ALMS1: variants seen among roughly 807,000 people sequenced by gnomAD.
The protein encoded by ALMS1 is centrosome-associated protein ALMS1.
A neutral mutation model predicts 352.2 loss-of-function variants in ALMS1; 271 were observed. That is an observed-to-expected ratio of 0.77 (90% CI 0.70 to 0.85). The LOEUF (loss-of-function observed/expected upper bound fraction) is 0.85, where lower values mean the gene tolerates loss of function less well. ALMS1 is among the 40% of genes least tolerant of loss of function. ALMS1 has a pLI of 0.00. For missense variants in ALMS1, 5,445 were observed against 4,870.7 expected, an observed-to-expected ratio of 1.12 and a Z score of -3.51; for synonymous variants, 1,865 against 1,761.2, an observed-to-expected ratio of 1.06 and a Z score of -1.48.
At chr2:73,487,348 G>A (rs775460414) in intron 9 of ALMS1, among the ~76,000 whole-genome samples, 3 of 152,172 alleles carry the variant, frequency 2.0e-5, no homozygotes, top group Non-Finnish European at 4.4e-5. Context: ...GGCAGCTCCA[G>A]TGCTGGCACT....
chr2:73,436,562 T>G (rs1473828767), intron 7 of ALMS1, among the ~76,000 whole-genome samples: 1 of 152,216 alleles, frequency 6.6e-6, no homozygotes, highest in African/African-American at 2.4e-5. Context: ...TCTAAGCCTT[T>G]GTTTGTTTTT....
chr2:73,484,660 T>A (rs1043219312), intron 9 of ALMS1, among the ~76,000 whole-genome samples: 3 of 152,062 alleles, frequency 2.0e-5, no homozygotes, highest in Non-Finnish European at 4.4e-5. Context: ...GATAATATCC[T>A]GCAGAGTGTT....
At chr2:73,551,051 G>A (rs1287186882) in intron 13 of ALMS1, among the ~76,000 whole-genome samples, 1 of 151,890 alleles carries the variant, frequency 6.6e-6, no homozygotes, top group East Asian at 1.9e-4. Flanking sequence ...AGTGATGGGG[G>A]TCTCGCTATG....
At chr2:73,604,134 CTG>C (rs1675762074) in intron 21 of ALMS1, 1 of 152,284 alleles carries the variant, frequency 6.6e-6, no homozygotes, top group South Asian at 2.1e-4. Context: ...ACAGAAAAAA[CTG>C]GTAATACTGA....
At chr2:73,403,804 G>A (rs1386101608) in intron 1 of ALMS1, among the ~76,000 whole-genome samples, 1 of 151,996 alleles carries the variant, frequency 6.6e-6, no homozygotes, top group African/African-American at 2.4e-5. Flanking sequence ...AAGTGGGATG[G>A]TTTTCTTGAT....
chr2:73,498,653 G>A (rs1037863161), intron 10 of ALMS1, among the ~76,000 whole-genome samples: 1 of 152,060 alleles, frequency 6.6e-6, no homozygotes, highest in African/African-American at 2.4e-5. Context: ...CCACAAATAA[G>A]TGACAACATG....
chr2:73,530,635 A>G (rs1673888929), intron 11 of ALMS1, among the ~76,000 whole-genome samples: 1 of 152,224 alleles, frequency 6.6e-6, no homozygotes, highest in Non-Finnish European at 1.5e-5. Flanking sequence ...GTGCCCAAGT[A>G]GGGACTATTA....
At chr2:73,549,675 T>C (rs1209533707) in intron 12 of ALMS1, among the ~76,000 whole-genome samples, 2 of 152,186 alleles carry the variant, frequency 1.3e-5, no homozygotes, top group African/African-American at 2.4e-5. Flanking sequence ...TCCAAAACCA[T>C]CATGAGCTGG....
chr2:73,400,057 C>T (rs1187287926), intron 1 of ALMS1, among the ~76,000 whole-genome samples: 4 of 151,896 alleles, frequency 2.6e-5, no homozygotes, highest in Non-Finnish European at 4.4e-5. Context: ...CCTACTTCAC[C>T]CTCCTGAGTA....
At chr2:73,401,018 C>T (rs1027728471) in intron 1 of ALMS1, among the ~76,000 whole-genome samples, 12 of 152,166 alleles carry the variant, frequency 7.9e-5, no homozygotes, top group African/African-American at 2.9e-4. Flanking sequence ...AACTCCTGGC[C>T]TCAAGTGATC....
At position 73,448,770 on chromosome 2, in the gene ALMS1, G is replaced by T. The variant is rs746451394; in HGVS notation, c.2243G>T (p.Gly748Val). The part of the protein sequence containing the change: ...ETLTKVSATP[G>V]PADQKTEIPA... ...CTTACTAAAGTTTCAGCCACTCCTG[G>T]ACCAGCTGACCAGAAGACTGAGATA... Residue 748 changes from glycine to valine, a missense_variant, in exon 8 of 23, where the codon GGA (glycine) becomes GTA (valine). Physicochemically the swap from Gly to Val is moderately radical, Grantham distance 109. Coordinates refer to ENST00000613296, the MANE Select transcript of ALMS1 (RefSeq NM_001378454.1). The T allele has an allele frequency of 2.5e-6, 4 of 1,613,990 alleles. No individual in the cohort carries two copies. In the Admixed American group the frequency reaches 6.7e-5, roughly 27 times the overall value.
At chr2:73,395,532 A>G (rs1670743582) in intron 1 of ALMS1, among the ~76,000 whole-genome samples, 1 of 152,088 alleles carries the variant, frequency 6.6e-6, no homozygotes, top group African/African-American at 2.4e-5. Flanking sequence ...ATTCTTCAAA[A>G]TACTGTTTTT....
chr2:73,400,114 T>C (rs1478833246), intron 1 of ALMS1, among the ~76,000 whole-genome samples: 1 of 151,656 alleles, frequency 6.6e-6, no homozygotes, highest in Non-Finnish European at 1.5e-5. Flanking sequence ...ATTTTTGTAT[T>C]TTTTTTAGAG....
chr2:73,392,400 C>T (rs1265915373), intron 1 of ALMS1, among the ~76,000 whole-genome samples: 1 of 151,856 alleles, frequency 6.6e-6, no homozygotes, highest in Non-Finnish European at 1.5e-5. Context: ...ATTTAAAGTG[C>T]ACAATTCAGT....
In ALMS1 at chr2:73,572,800, A is replaced by G. The variant is rs879223990; in HGVS notation, c.10923A>G (p.Thr3641=). ...RLAKILQNPI[T]HSLQVSESTH... ...CTAAAATTCTTCAGAATCCAATCAC[A>G]CATTCTCTCCAGGTCTCAGAAAGTA... Residue 3641 remains threonine (T), a synonymous_variant, in exon 16 of 23, where the codon ACA becomes ACG. Transcript: ENST00000613296. The G allele has an allele frequency of 6.2e-7, 1 of 1,614,106 alleles. No homozygotes were observed. The highest frequency in any genetic ancestry group is 8.5e-7 in the Non-Finnish European group (1 of 1,179,992).
chr2:73,552,519 A>G (rs1674460895), intron 13 of ALMS1, among the ~76,000 whole-genome samples: 1 of 152,226 alleles, frequency 6.6e-6, no homozygotes, highest in African/African-American at 2.4e-5. Context: ...GTCTGCACAA[A>G]GAACTCACCA....
At chr2:73,414,370 T>A (rs1473459292) in intron 2 of ALMS1, among the ~76,000 whole-genome samples, 2 of 100,652 alleles carry the variant, frequency 2.0e-5, no homozygotes, top group Non-Finnish European at 4.9e-5. Context: ...CTAGTTTTAG[T>A]AGCTTTTTTA....
At chr2:73,396,322 A>ATG (rs1558628958) in intron 1 of ALMS1, among the ~76,000 whole-genome samples, 105 of 152,126 alleles carry the variant, frequency 6.9e-4, no homozygotes, top group African/African-American at 2.4e-3. Flanking sequence ...ACACACACAC[A>ATG]CACACACACA....
intron 12 of ALMS1, among the ~76,000 whole-genome samples, chr2:73,547,125 T>C (rs1261031339): frequency 1.3e-5 from 2 of 152,238 alleles, no homozygotes; most frequent in East Asian, 3.8e-4. Context: ...TCATGTTAGA[T>C]GATTCTGCCC....
Sources: gnomAD v4.1 joint callset for allele counts (sites outside exome capture counted in the v4.1 genomes callset) on GRCh38, gnomAD v4.1.1 for gene constraint, MANE v1.5 for transcripts, NCBI Gene and HGNC (gene_info 2026-07-23, HGNC 2026-07-21) for gene names.